The following LRP2 variants were observed in gnomAD, a reference collection of about 807,000 sequenced individuals.
LRP2 encodes low-density lipoprotein receptor-related protein 2.
In LRP2, 172 loss-of-function variants were observed where a neutral mutation model predicts 531.0. The ratio of observed to expected loss-of-function variants is 0.32; its 90% CI spans 0.29 to 0.37. The LOEUF is 0.37. LRP2 is among the 10% of genes least tolerant of loss of function. LRP2 has a pLI of 1.00. For synonymous variants in LRP2, 1,992 were observed against 2,027.6 expected, an observed-to-expected ratio of 0.98 and a Z score of 0.47; for missense variants, 5,167 against 5,868.3, an observed-to-expected ratio of 0.88 and a Z score of 3.90.
chr2:169,329,554 C>A (rs1287221562), intron 1 of LRP2, among the ~76,000 whole-genome samples: 2 of 152,180 alleles, frequency 1.3e-5, no homozygotes, highest in Non-Finnish European at 2.9e-5. Context: ...AGGGTGATTA[C>A]TCAGACAATA....
intron 65 of LRP2, among the ~76,000 whole-genome samples, chr2:169,155,107 A>G (rs999903126): frequency 5.9e-5 from 9 of 152,164 alleles, no homozygotes; most frequent in African/African-American, 1.4e-4. Context: ...CTAATGACAA[A>G]ATAAACCTAG....
chr2:169,178,329 T>C (rs1407245687), intron 52 of LRP2, among the ~76,000 whole-genome samples: 2 of 152,226 alleles, frequency 1.3e-5, no homozygotes, highest in Non-Finnish European at 2.9e-5. Context: ...GTTATAGCTG[T>C]TGTAGGTTTA....
At chr2:169,348,937 C>T (rs1000646150) in intron 1 of LRP2, among the ~76,000 whole-genome samples, 2 of 152,062 alleles carry the variant, frequency 1.3e-5, no homozygotes, top group Admixed American at 6.5e-5. Flanking sequence ...CCAGGGGCCT[C>T]GAGGAATTAA....
Position 169,241,310 on chromosome 2 carries a change from A to G in LRP2, c.3723T>C (p.Gly1241=), listed in dbSNP as rs776595812. The change falls in exon 25 of 79, where the codon GGT becomes GGC. Residue 1241 remains glycine (G), a synonymous_variant. Coordinates refer to ENST00000649046, the MANE Select transcript of LRP2 (RefSeq NM_004525.3). ...HSDEFQCQED[G]ICIPNFWECD... Reference sequence around the variant, plus strand: ...ATTCCCAGAAGTTCGGGATGCAGATACCATCTTCTTGGCACTGAAATTCAT... The same window carrying G: ...ATTCCCAGAAGTTCGGGATGCAGATGCCATCTTCTTGGCACTGAAATTCAT... The G allele has an allele frequency of 1.9e-6, 3 of 1,614,172 alleles. No homozygotes were observed. The highest frequency in any genetic ancestry group is 2.2e-5 in the East Asian group (1 of 44,886).
intron 1 of LRP2, among the ~76,000 whole-genome samples, chr2:169,326,930 C>T (rs1264562647): frequency 2.6e-5 from 4 of 151,106 alleles, no homozygotes; most frequent in African/African-American, 7.3e-5. Context: ...AGGTGAGGAG[C>T]GTCTCTGCCC....
chr2:169,216,087 C>T (rs983757460), intron 35 of LRP2, among the ~76,000 whole-genome samples, 166 bp downstream of exon 35: 7 of 151,848 alleles, frequency 4.6e-5, no homozygotes, highest in African/African-American at 9.7e-5. Flanking sequence ...CAGCTAGGGG[C>T]GAGGTACGTG....
At chr2:169,257,363 T>C in intron 17 of LRP2, 114 bp from the exon 18 acceptor site, 1 of 1,101,526 alleles carries the variant, frequency 9.1e-7, no homozygotes, top group East Asian at 2.5e-5. Context: ...TTGTTTTCTT[T>C]ATATGCTATT....
chr2:169,130,818 G>A (rs1685258237), intron 77 of LRP2, among the ~76,000 whole-genome samples: 1 of 152,158 alleles, frequency 6.6e-6, no homozygotes, highest in Non-Finnish European at 1.5e-5. Context: ...AAAAGTAAGA[G>A]GAGGAACCAA....
chr2:169,209,670 A>T, intron 37 of LRP2, 29 bp from the exon 38 acceptor site: 1 of 1,607,286 alleles, frequency 6.2e-7, no homozygotes, highest in Non-Finnish European at 8.5e-7. Flanking sequence ...TCATTAAAAA[A>T]TGCTGTCACT....
intron 1 of LRP2, among the ~76,000 whole-genome samples, chr2:169,324,380 C>G (rs1340979652): frequency 3.3e-5 from 5 of 151,962 alleles, no homozygotes; most frequent in Admixed American, 3.3e-4. Context: ...CAAAGCTGCT[C>G]TCAATTAACA....
At chr2:169,271,202 A>G in intron 15 of LRP2, 95 bp from the exon 16 acceptor site, 1 of 749,912 alleles carries the variant, frequency 1.3e-6, no homozygotes, top group Non-Finnish European at 2.2e-6. Context: ...CAAACTTTAA[A>G]TTATAAAATA....
intron 15 of LRP2, chr2:169,271,625 A>G (rs200453703): frequency 1.8e-4 from 3 of 16,502 alleles, no homozygotes; most frequent in African/African-American, 1.7e-4. Flanking sequence ...ACACACACAC[A>G]CACACACACA....
chr2:169,219,511 A>G (rs946002217), intron 34 of LRP2, among the ~76,000 whole-genome samples: 16 of 152,138 alleles, frequency 1.1e-4, no homozygotes, highest in African/African-American at 3.9e-4. Flanking sequence ...GCCTCTCTCC[A>G]CATCAATCCT....
At chr2:169,273,361 T>A (rs1171524856) in intron 14 of LRP2, among the ~76,000 whole-genome samples, 1 of 152,144 alleles carries the variant, frequency 6.6e-6, no homozygotes, top group Non-Finnish European at 1.5e-5. Flanking sequence ...CTATCCTCCA[T>A]GATTAGAAAT....
chr2:169,156,178 A>C (rs1686324395), intron 65 of LRP2, 96 bp downstream of exon 65: 3 of 1,541,130 alleles, frequency 1.9e-6, no homozygotes, highest in Non-Finnish European at 2.7e-6. Flanking sequence ...AAGAAAAGAA[A>C]AACTATGAGA....
chr2:169,305,610 A>C lies in LRP2; in HGVS notation c.427+1671T>G, dbSNP rs552148405. Among the ~76,000 whole-genome samples the C allele has an allele frequency of 4.6e-5, 7 of 152,352 alleles. No homozygotes were observed. The South Asian group carries it at 1.5e-3, about 32-fold the overall frequency. On this transcript the variant is annotated intron_variant, in intron 4 of 78. Coordinates refer to ENST00000649046, the MANE Select transcript of LRP2 (RefSeq NM_004525.3). Reference sequence around the variant, plus strand: ...CATAATAACTGAAAAGTTTATGATCAAGATTTCTAAGGTACACAAAAATCT... The same window carrying C: ...CATAATAACTGAAAAGTTTATGATCCAGATTTCTAAGGTACACAAAAATCT...
Position 169,334,252 on chromosome 2 carries a change from G to A in LRP2, c.80-13368C>T, listed in dbSNP as rs947001536. Among the ~76,000 whole-genome samples the A allele has an allele frequency of 2.0e-3, 299 of 152,096 alleles. 3 individuals carry two copies. Among genetic ancestry groups the A allele is most frequent in the Non-Finnish European group, 3.7e-4 (25 of 67,984 alleles). ...GAATTTTAATGCTAAAAAGAAGTAC[G>A]GCTTCAGTAATAAACTATACCAGAA... On this transcript the variant is annotated intron_variant, in intron 1 of 78. Transcript: ENST00000649046.
At chr2:169,231,173 A>G (rs547845776) in intron 31 of LRP2, among the ~76,000 whole-genome samples, 3 of 152,224 alleles carry the variant, frequency 2.0e-5, no homozygotes, top group Non-Finnish European at 4.4e-5. Context: ...GTGCACCTAT[A>G]GTCTCATCTA....
chr2:169,299,151 GAAAGAAAAAAAGA>G lies in LRP2; in HGVS notation c.428-4454_428-4442del, dbSNP rs1217943164. Among the ~76,000 whole-genome samples the G allele has an allele frequency of 9.1e-5, 3 of 33,072 alleles. 1 individual carries two copies. The East Asian group carries it at 2.1e-3, about 24-fold the overall frequency. 21.7% of individuals were successfully genotyped at this position (33,072 alleles called of 152,430 possible). ...AGAAAGAAAGAAAGAAAGAAAGAAAGAAAGAAAAAAAGAAAGAAAGAAAAAGAAAGAAAGAAAG... is the reference window on the plus strand; with the variant it reads ...AGAAAGAAAGAAAGAAAGAAAGAAAGAAGAAAGAAAAAGAAAGAAAGAAAG... On this transcript the variant is annotated intron_variant, in intron 4 of 78. Coordinates refer to ENST00000649046, the MANE Select transcript of LRP2 (RefSeq NM_004525.3).
Sources: gnomAD v4.1 joint callset for allele counts (sites outside exome capture counted in the v4.1 genomes callset) on GRCh38, gnomAD v4.1.1 for gene constraint, MANE v1.5 for transcripts, NCBI Gene and HGNC (gene_info 2026-07-23, HGNC 2026-07-21) for gene names.